Variants in TPD52 observed in about 807,000 individuals in gnomAD.
TPD52 encodes the protein tumor protein D52.
TPD52 carries 17 observed loss-of-function variants against 31.3 expected under a neutral mutation model. That is an observed-to-expected ratio of 0.54 (90% CI 0.37 to 0.82). The LOEUF (loss-of-function observed/expected upper bound fraction) is 0.82, where lower values mean the gene tolerates loss of function less well. Among genes scored for constraint, TPD52 ranks in the 40% least tolerant of loss-of-function variants. The pLI, the probability that TPD52 is intolerant of heterozygous loss-of-function variation, is 0.00. For missense variants in TPD52, 212 were observed against 240.1 expected (o/e 0.88, Z 0.77); for synonymous variants, 83 against 89.6 (o/e 0.93, Z 0.42).
intron 2 of TPD52, among the ~76,000 whole-genome samples, chr8:80,060,967 C>A (rs1812457859): frequency 2.6e-5 from 4 of 152,064 alleles, no homozygotes; most frequent in African/African-American, 9.7e-5. Context: ...TTAGCCAAAG[C>A]AGTTAGACAA....
chr8:80,073,046 G>A (rs1005307567), intron 1 of TPD52, among the ~76,000 whole-genome samples: 1 of 151,898 alleles, frequency 6.6e-6, no homozygotes, highest in Non-Finnish European at 1.5e-5. Context: ...GGAGGCTGCA[G>A]TGAGCCGAGA....
intron 1 of TPD52, among the ~76,000 whole-genome samples, chr8:80,103,583 G>C (rs1586304540): frequency 6.6e-6 from 1 of 152,116 alleles, no homozygotes; most frequent in South Asian, 2.1e-4. Flanking sequence ...ATGACCTCTG[G>C]GAGCAACAAG....
intron 1 of TPD52, among the ~76,000 whole-genome samples, chr8:80,102,195 C>G (rs1806794293): frequency 6.6e-6 from 1 of 152,174 alleles, no homozygotes; most frequent in Non-Finnish European, 1.5e-5. Context: ...GTTCTGGCTC[C>G]GGATTTCCCC....
intron 1 of TPD52, among the ~76,000 whole-genome samples, chr8:80,119,536 GA>G (rs540701180): frequency 2.0e-5 from 3 of 152,044 alleles, no homozygotes; most frequent in Non-Finnish European, 2.9e-5. Flanking sequence ...TTTTCTGGGG[GA>G]AAAAAAGTCA....
At chr8:80,154,706 TAC>T (rs36076685) in intron 1 of TPD52, among the ~76,000 whole-genome samples, 27,351 of 77,414 alleles carry the variant, frequency 0.35, 3,048 homozygotes, top group Middle Eastern at 0.41. Flanking sequence ...AATCATGACA[TAC>T]ACACACACAC....
rs557103393 is a variant in TPD52 at position 80,035,748 on chromosome 8, A to C, written c.*2368T>G. 3.3e-5 allele frequency: 5 copies of C among 152,188 alleles called. No homozygotes were observed. The highest frequency in any genetic ancestry group is 7.3e-5 in the Non-Finnish European group (5 of 68,042). 9.4% of individuals were successfully genotyped at this position (152,188 alleles called of 1,614,324 possible). A position where few individuals can be genotyped will look rare whatever the true frequency, so the allele number is the denominator to read the frequency against. ...TAAATTGACATTTCTTTTTGTAAGAAGGGGATATTTTCTTCTACACTTGAG... is the reference window on the plus strand; with the variant it reads ...TAAATTGACATTTCTTTTTGTAAGACGGGGATATTTTCTTCTACACTTGAG... On this transcript the variant is annotated 3_prime_UTR_variant, in exon 8 of 8. Transcript: ENST00000518937.
intron 1 of TPD52, among the ~76,000 whole-genome samples, chr8:80,115,852 G>A (rs1807827667): frequency 6.6e-6 from 1 of 151,350 alleles, no homozygotes; most frequent in African/African-American, 2.5e-5. Context: ...ACTTCCGTAT[G>A]GCAAAAAATG....
chr8:80,061,684 A>C (rs967480038), intron 2 of TPD52, among the ~76,000 whole-genome samples: 14 of 152,172 alleles, frequency 9.2e-5, no homozygotes, highest in Admixed American at 7.9e-4. Context: ...ACCTGTCTCA[A>C]AAAAATTTTT....
At chr8:80,155,244 T>C (rs1206171330) in intron 1 of TPD52, among the ~76,000 whole-genome samples, 1 of 152,220 alleles carries the variant, frequency 6.6e-6, no homozygotes, top group Non-Finnish European at 1.5e-5. Flanking sequence ...ATGTTGTGTG[T>C]GTTCTGACTG....
intron 1 of TPD52, among the ~76,000 whole-genome samples, chr8:80,127,347 C>T (rs771417581): frequency 3.3e-5 from 5 of 152,262 alleles, no homozygotes; most frequent in South Asian, 4.2e-4. Context: ...ACTTCGTTCA[C>T]GTTCATGTAT....
In TPD52 at chr8:80,039,934, G is replaced by A. The variant is rs903673293; in HGVS notation, c.505-1699C>T. Among the ~76,000 whole-genome samples the A allele has an allele frequency of 2.0e-5, 3 of 151,896 alleles. No individual in the cohort carries two copies. In the South Asian group the frequency reaches 6.2e-4, roughly 32 times the overall value. ...CCCTTACCTCACTTTAGTTTCATTG[G>A]CCATTTAATTGTCTAGGCATCTTGC... On this transcript the variant is annotated intron_variant, in intron 7 of 7. Coordinates refer to ENST00000518937, the MANE Select transcript of TPD52 (RefSeq NM_001025253.3).
chr8:80,151,217 C>G (rs1810546753), intron 1 of TPD52, among the ~76,000 whole-genome samples: 1 of 152,188 alleles, frequency 6.6e-6, no homozygotes, highest in Admixed American at 6.5e-5. Context: ...CATTCACCTT[C>G]TGCCATGATT....
At chr8:80,048,150 C>G (rs1811051026) in intron 5 of TPD52, among the ~76,000 whole-genome samples, 1 of 152,170 alleles carries the variant, frequency 6.6e-6, no homozygotes, top group Non-Finnish European at 1.5e-5. Flanking sequence ...CACTCATGAC[C>G]ACGTCCTCCT....
chr8:80,083,525 T>C (rs1815492921), intron 1 of TPD52, among the ~76,000 whole-genome samples: 1 of 150,842 alleles, frequency 6.6e-6, no homozygotes, highest in Non-Finnish European at 1.5e-5. Flanking sequence ...TAAGAGATCT[T>C]TATAAGGAGA....
At chr8:80,136,995 G>A (rs771539216) in intron 1 of TPD52, among the ~76,000 whole-genome samples, 5 of 152,104 alleles carry the variant, frequency 3.3e-5, no homozygotes, top group Non-Finnish European at 7.4e-5. Context: ...CTCTTAACAA[G>A]TATGGCTCAA....
intron 5 of TPD52, among the ~76,000 whole-genome samples, chr8:80,045,200 G>T (rs1393042093): frequency 6.6e-6 from 1 of 152,136 alleles, no homozygotes; most frequent in East Asian, 1.9e-4. Flanking sequence ...AATCTATTCT[G>T]GGAGGAATTT....
chr8:80,115,135 T>C (rs1371192770), intron 1 of TPD52, among the ~76,000 whole-genome samples: 7 of 152,218 alleles, frequency 4.6e-5, no homozygotes, highest in Non-Finnish European at 1.5e-5. Flanking sequence ...GCTTTTTGAC[T>C]TTTTTAAACA....
chr8:80,159,537 T>C (rs1811210565), intron 1 of TPD52, among the ~76,000 whole-genome samples: 2 of 152,240 alleles, frequency 1.3e-5, no homozygotes, highest in South Asian at 4.1e-4. Context: ...ATCCCAGACC[T>C]GTCTGCGCCA....
intron 1 of TPD52, among the ~76,000 whole-genome samples, chr8:80,094,478 A>C (rs1412107987): frequency 1.0e-5 from 1 of 99,052 alleles, no homozygotes; most frequent in Non-Finnish European, 2.1e-5. Context: ...ATATATATAT[A>C]TATATATGTA....
Sources: allele counts gnomAD v4.1 joint callset (sites outside exome capture counted in the v4.1 genomes callset), GRCh38; gene constraint gnomAD v4.1.1; transcripts MANE v1.5; gene names NCBI Gene and HGNC (gene_info 2026-07-23, HGNC 2026-07-21).